Variants in TMPRSS15 observed in about 807,000 individuals in gnomAD.
TMPRSS15 encodes the protein enteropeptidase.
TMPRSS15 carries 128 observed loss-of-function variants against 125.3 expected under a neutral mutation model. That is an observed-to-expected ratio of 1.02 (90% confidence interval 0.89 to 1.18). The LOEUF (loss-of-function observed/expected upper bound fraction) is 1.18, where lower values mean the gene tolerates loss of function less well. Among genes scored for constraint, TMPRSS15 ranks in the 50% most tolerant of loss-of-function variants. The pLI, the probability that TMPRSS15 is intolerant of heterozygous loss-of-function variation, is 0.00. For synonymous variants in TMPRSS15, 446 were observed against 423.2 expected (o/e 1.05, Z -0.66); for missense variants, 1,283 against 1,212.7 (o/e 1.06, Z -0.86).
chr21:18,332,906 T>C (rs971377865), intron 13 of TMPRSS15, among the ~76,000 whole-genome samples: 1 of 152,324 alleles, frequency 6.6e-6, no homozygotes, highest in South Asian at 2.1e-4. Flanking sequence ...TAGAATACTA[T>C]GCAGTAACAA....
intron 1 of TMPRSS15, among the ~76,000 whole-genome samples, chr21:18,433,836 G>A (rs904534199): frequency 1.3e-5 from 2 of 151,988 alleles, no homozygotes; most frequent in Non-Finnish European, 2.9e-5. Flanking sequence ...GAGTTTTGCA[G>A]ATAAACTGTA....
intron 1 of TMPRSS15, chr21:18,460,573 C>A (rs1162713029): frequency 6.6e-6 from 1 of 152,098 alleles, no homozygotes; most frequent in Non-Finnish European, 1.5e-5. Flanking sequence ...TTGGCTCACC[C>A]GATTGTGGAG....
intron 23 of TMPRSS15, among the ~76,000 whole-genome samples, chr21:18,277,318 T>C (rs1193820632): frequency 6.6e-6 from 1 of 151,788 alleles, no homozygotes. Flanking sequence ...TTAAAAAAAA[T>C]CCAAAAACAA....
chr21:18,320,151 T>C (rs2075219344), intron 16 of TMPRSS15, among the ~76,000 whole-genome samples: 1 of 152,202 alleles, frequency 6.6e-6, no homozygotes, highest in African/African-American at 2.4e-5. Flanking sequence ...TGACTATATA[T>C]TTTATCTTTC....
chr21:18,472,480 T>TATATAC lies in TMPRSS15; in HGVS notation c.10+13318_10+13319insGTATAT, dbSNP rs1491127013. On this transcript the variant is annotated intron_variant, in intron 1 of 7. Coordinates refer to the TMPRSS15 transcript ENST00000422787. ...TTATATATATATATATATATATATA[T>TATATAC]ACACACACACACACATACACACACA... 1.9e-3 allele frequency among the ~76,000 whole-genome samples: 211 copies of TATATAC among 112,334 alleles called. 1 individual carries two copies. Among genetic ancestry groups the TATATAC allele is most frequent in the African/African-American group, 6.3e-3 (206 of 32,480 alleles). The allele number at this position is 112,334 out of a possible 152,430, so 73.7% of individuals were successfully genotyped here.
rs145938485 is a variant in TMPRSS15 at position 18,459,045 on chromosome 21, T to A, written c.10+26754A>T. ...CATTTACGTTTAAGTCAATGATGTG[T>A]CTTTGATTGTGCTTTTGTATATGTA... On this transcript the variant is annotated intron_variant, in intron 1 of 7. Coordinates refer to the TMPRSS15 transcript ENST00000422787. Among the ~76,000 whole-genome samples, 10 of 152,316 alleles carry A rather than the reference T, an allele frequency of 6.6e-5. No homozygotes were observed. In the East Asian group the frequency reaches 7.7e-4, roughly 12 times the overall value.
chr21:18,466,245 T>G (rs2123278486), intron 1 of TMPRSS15, among the ~76,000 whole-genome samples: 1 of 152,238 alleles, frequency 6.6e-6, no homozygotes, highest in Non-Finnish European at 1.5e-5. Flanking sequence ...TCCTTACACC[T>G]TATACAAAAA....
chr21:18,440,268 G>A (rs1209547511), intron 1 of TMPRSS15, among the ~76,000 whole-genome samples: 4 of 149,878 alleles, frequency 2.7e-5, no homozygotes, highest in Non-Finnish European at 5.9e-5. Context: ...AGCTACACGG[G>A]AGGCTGAGGC....
intron 1 of TMPRSS15, among the ~76,000 whole-genome samples, chr21:18,427,455 T>A (rs2076205330): frequency 6.6e-6 from 1 of 152,250 alleles, no homozygotes; most frequent in Non-Finnish European, 1.5e-5. Flanking sequence ...TTTTAACAAC[T>A]GTTCTGATGC....
chr21:18,391,446 G>A (rs986635610), intron 3 of TMPRSS15, among the ~76,000 whole-genome samples: 2 of 152,226 alleles, frequency 1.3e-5, no homozygotes, highest in East Asian at 1.9e-4. Flanking sequence ...AAATCCAGCA[G>A]GGCAGTCATT....
intron 18 of TMPRSS15, among the ~76,000 whole-genome samples, chr21:18,306,098 T>C (rs570787142): frequency 1.3e-5 from 2 of 152,332 alleles, no homozygotes; most frequent in South Asian, 4.1e-4. Context: ...GCGAATTAAG[T>C]AGAAATCATC....
intron 21 of TMPRSS15, 48 bp downstream of exon 21, chr21:18,294,222 C>G (rs1360414940): frequency 1.2e-6 from 2 of 1,611,418 alleles, no homozygotes; most frequent in Admixed American, 3.3e-5. Flanking sequence ...TTGGCAGTGT[C>G]TGCTGTGGTG....
chr21:18,439,587 C>G (rs181517476), intron 1 of TMPRSS15, among the ~76,000 whole-genome samples: 1 of 152,174 alleles, frequency 6.6e-6, no homozygotes, highest in Admixed American at 6.5e-5. Context: ...CATTGGTCAT[C>G]GTGTTTTATA....
chr21:18,464,994 C>T (rs1181488855), intron 1 of TMPRSS15, among the ~76,000 whole-genome samples: 11 of 152,098 alleles, frequency 7.2e-5, no homozygotes, highest in African/African-American at 2.4e-4. Flanking sequence ...TGATGAACAT[C>T]GATGTGAAAA....
At chr21:18,437,738 CT>C (rs1325908240) in intron 1 of TMPRSS15, among the ~76,000 whole-genome samples, 1 of 152,232 alleles carries the variant, frequency 6.6e-6, no homozygotes, top group African/African-American at 2.4e-5. Context: ...CTCATCATCA[CT>C]GGCCATCAGA....
chr21:18,374,240 G>A (rs1041005164), intron 5 of TMPRSS15, among the ~76,000 whole-genome samples: 6 of 151,936 alleles, frequency 3.9e-5, no homozygotes, highest in Admixed American at 1.3e-4. Context: ...TTGGGAGGCC[G>A]AGGCGGGTGG....
intron 1 of TMPRSS15, among the ~76,000 whole-genome samples, chr21:18,431,283 G>C (rs1363887415): frequency 6.6e-6 from 1 of 152,060 alleles, no homozygotes; most frequent in Non-Finnish European, 1.5e-5. Context: ...AATATCCTGT[G>C]TACTTACTTT....
rs1201732707 is a variant in TMPRSS15 at position 18,379,138 on chromosome 21, C to T, written c.532+145G>A. 32 of 363,800 alleles carry T rather than the reference C, an allele frequency of 8.8e-5. No individual in the cohort carries two copies. The East Asian group carries it at 1.4e-3, about 16-fold the overall frequency. 22.5% of individuals were successfully genotyped at this position (363,800 alleles called of 1,614,324 possible). ...GTGGTGAAATCCAGGGCTAAAACTGCAGACTTTTATGCTCTTGATTTCTTG... is the reference window on the plus strand; with the variant it reads ...GTGGTGAAATCCAGGGCTAAAACTGTAGACTTTTATGCTCTTGATTTCTTG... On this transcript the variant is annotated intron_variant, in intron 5 of 24. Transcript: ENST00000284885.
chr21:18,309,344 TG>T (rs1320999020), intron 18 of TMPRSS15, among the ~76,000 whole-genome samples: 2 of 152,104 alleles, frequency 1.3e-5, no homozygotes, highest in Non-Finnish European at 2.9e-5. Context: ...GACATAGGCA[TG>T]GGCAAAGACT....
Sources: allele counts gnomAD v4.1 joint callset (sites outside exome capture counted in the v4.1 genomes callset), GRCh38; gene constraint gnomAD v4.1.1; transcripts MANE v1.5; gene names NCBI Gene and HGNC (gene_info 2026-07-23, HGNC 2026-07-21).